Variants in SMC5 observed in about 807,000 individuals in gnomAD.
SMC5 encodes the protein structural maintenance of chromosomes protein 5.
In SMC5, 88 loss-of-function variants were observed where a neutral mutation model predicts 148.3. The ratio of observed to expected loss-of-function variants is 0.59; its 90% CI spans 0.50 to 0.71. The LOEUF (loss-of-function observed/expected upper bound fraction) is 0.71. Among genes scored for constraint, SMC5 ranks in the 30% least tolerant of loss-of-function variants. SMC5 has a pLI of 0.00. For missense variants in SMC5, 1,142 were observed against 1,298.9 expected (o/e 0.88, Z 1.86); for synonymous variants, 421 against 432.8 (o/e 0.97, Z 0.34).
chr9:70,314,326 A>G (rs1038010775), intron 11 of SMC5, among the ~76,000 whole-genome samples: 9 of 151,956 alleles, frequency 5.9e-5, no homozygotes, highest in South Asian at 2.1e-4. Flanking sequence ...TCAGATGTCA[A>G]CTCCCTTCCA....
In SMC5 at chr9:70,344,183, T is replaced by C. The variant is rs2118814571; in HGVS notation, c.2437T>C (p.Leu813=). The change falls in exon 18 of 25, where the codon TTG becomes CTG. Residue 813 remains leucine, a synonymous_variant. Coordinates refer to ENST00000361138, the MANE Select transcript of SMC5 (RefSeq NM_015110.4). ...IELDENRQRL[L]QKCKELMKRA... ...ATTGGATGAAAATAGACAGAGATTA[T>C]TGCAGAAATGCAAGGAACTTATGAA... The C allele has an allele frequency of 1.3e-6, 2 of 1,557,376 alleles. No individual in the cohort carries two copies. The highest frequency in any genetic ancestry group is 1.7e-4 in the Middle Eastern group (1 of 5,868).
rs753088339 is a variant in SMC5, at chr9:70,325,657, A to G, written c.2397+1514A>G. On this transcript the variant is annotated intron_variant, in intron 17 of 24. Transcript: ENST00000361138. ...AAGGAGATCATAAAATATATATTCT[A>G]TAGTTATAAGTCTGACAATGTAACT... Among the ~76,000 whole-genome samples the G allele has an allele frequency of 2.0e-5, 3 of 152,324 alleles. No individual in the cohort carries two copies. The East Asian group carries it at 5.8e-4, about 29-fold the overall frequency.
At chr9:70,348,120 A>C (rs1442360505) in intron 22 of SMC5, 82 bp downstream of exon 22, 2 of 1,237,862 alleles carry the variant, frequency 1.6e-6, no homozygotes, top group East Asian at 5.9e-5. Context: ...TTATTTATTT[A>C]CTTTTGAGTT....
Position 70,347,799 on chromosome 9 carries a change from G to A in SMC5, c.2769+82G>A, listed in dbSNP as rs143393564. On this transcript the variant is annotated intron_variant, in intron 21 of 24. Coordinates refer to ENST00000361138, the MANE Select transcript of SMC5 (RefSeq NM_015110.4). ...AGAATAATGGAAAATGAGATGACAT[G>A]CTTCTAAGAGAAGTGTGTTATGCCC... 9.8e-4 allele frequency: 1,203 copies of A among 1,232,772 alleles called. 6 individuals carry two copies. Among genetic ancestry groups the A allele is most frequent in the Non-Finnish European group, 2.1e-4 (189 of 882,620 alleles). The allele number at this position is 1,232,772 out of a possible 1,614,324, so 76.4% of individuals were successfully genotyped here.
chr9:70,327,611 C>T (rs543924754), intron 17 of SMC5, among the ~76,000 whole-genome samples: 2 of 152,034 alleles, frequency 1.3e-5, no homozygotes, highest in Admixed American at 1.3e-4. Flanking sequence ...TGCATTTATC[C>T]TGAAAATAAC....
intron 8 of SMC5, among the ~76,000 whole-genome samples, chr9:70,296,585 T>A (rs1157568412): frequency 2.6e-5 from 4 of 151,914 alleles, no homozygotes; most frequent in Admixed American, 2.0e-4. Context: ...TTTAAGGACA[T>A]TAAGATTATA....
intron 17 of SMC5, among the ~76,000 whole-genome samples, chr9:70,338,559 C>T (rs2036427541): frequency 6.6e-6 from 1 of 152,130 alleles, no homozygotes; most frequent in South Asian, 2.1e-4. Flanking sequence ...TATTCTGCTG[C>T]AGAAATCTAC....
intron 3 of SMC5, among the ~76,000 whole-genome samples, chr9:70,275,763 ACTTTT>A (rs1383947700): frequency 6.6e-6 from 1 of 151,386 alleles, no homozygotes; most frequent in Non-Finnish European, 1.5e-5. Flanking sequence ...TTTTTTATTT[ACTTTT>A]CTTGGTTTTA....
intron 20 of SMC5, 87 bp from the exon 21 acceptor site, chr9:70,347,526 C>A: frequency 1.5e-6 from 1 of 683,158 alleles, no homozygotes; most frequent in Non-Finnish European, 2.4e-6. Context: ...TTGGCATTTT[C>A]ATTTAATGTT....
Position 70,276,136 on chromosome 9 carries a change from G to A in SMC5, c.381-1174G>A, listed in dbSNP as rs921205191. ...TTTCAATTCAGAATCACAATGTACAGAATTCTCAGCTTGTGGTGGTAGCAG... is the reference window on the plus strand; with the variant it reads ...TTTCAATTCAGAATCACAATGTACAAAATTCTCAGCTTGTGGTGGTAGCAG... On this transcript the variant is annotated intron_variant, in intron 3 of 24. Transcript: ENST00000361138. Among the ~76,000 whole-genome samples, 28 of 152,304 alleles carry A rather than the reference G, an allele frequency of 1.8e-4. 1 individual carries two copies. In the East Asian group the frequency reaches 5.4e-3, roughly 29 times the overall value.
chr9:70,288,933 A>G (rs2034982069), intron 8 of SMC5, among the ~76,000 whole-genome samples: 1 of 152,222 alleles, frequency 6.6e-6, no homozygotes. Context: ...GTGTGGACAT[A>G]TGTATACACA....
At chr9:70,324,185 T>C in intron 17 of SMC5, 42 bp downstream of exon 17, 1 of 1,560,232 alleles carries the variant, frequency 6.4e-7, no homozygotes, top group South Asian at 1.2e-5. Context: ...GGTTCTAACC[T>C]CAGACTGGTT....
intron 17 of SMC5, among the ~76,000 whole-genome samples, chr9:70,343,623 C>A (rs919361809): frequency 2.0e-5 from 3 of 152,046 alleles, no homozygotes; most frequent in African/African-American, 4.8e-5. Flanking sequence ...GGAGACCAGC[C>A]TGGCCAACAT....
chr9:70,349,797 C>T (rs980851477), intron 22 of SMC5, among the ~76,000 whole-genome samples: 8 of 152,072 alleles, frequency 5.3e-5, no homozygotes, highest in African/African-American at 1.7e-4. Flanking sequence ...GTTCCTCGCT[C>T]AGTAATTTCT....
intron 8 of SMC5, among the ~76,000 whole-genome samples, chr9:70,297,333 C>T (rs2035228373): frequency 6.6e-6 from 1 of 152,196 alleles, no homozygotes; most frequent in Non-Finnish European, 1.5e-5. Context: ...ATGGCATCAC[C>T]ATCATTCCTG....
At chr9:70,339,660 G>A (rs1243596893) in intron 17 of SMC5, among the ~76,000 whole-genome samples, 1 of 152,128 alleles carries the variant, frequency 6.6e-6, no homozygotes, top group African/African-American at 2.4e-5. Context: ...TTGCTCTGAG[G>A]AACTATTGCT....
intron 18 of SMC5, among the ~76,000 whole-genome samples, chr9:70,344,980 A>G (rs2036628314): frequency 6.6e-6 from 1 of 152,180 alleles, no homozygotes; most frequent in South Asian, 2.1e-4. Context: ...TTAATGGATT[A>G]TAATTTTCAA....
intron 17 of SMC5, among the ~76,000 whole-genome samples, chr9:70,329,708 G>A (rs1215192723): frequency 1.3e-5 from 2 of 152,058 alleles, no homozygotes; most frequent in Non-Finnish European, 2.9e-5. Context: ...TTCCAAAGTT[G>A]TTTCCACATT....
intron 13 of SMC5, among the ~76,000 whole-genome samples, chr9:70,317,876 T>C (rs899821494): frequency 6.6e-6 from 1 of 152,218 alleles, no homozygotes; most frequent in Non-Finnish European, 1.5e-5. Context: ...TATAAGATTA[T>C]GTATCTTTGA....
Sources: allele counts gnomAD v4.1 joint callset (sites outside exome capture counted in the v4.1 genomes callset), GRCh38; gene constraint gnomAD v4.1.1; transcripts MANE v1.5; gene names NCBI Gene and HGNC (gene_info 2026-07-23, HGNC 2026-07-21).